Variants in ADAM28 observed in about 807,000 individuals in gnomAD.
ADAM28 encodes disintegrin and metalloproteinase domain-containing protein 28.
A neutral mutation model predicts 101.2 loss-of-function variants in ADAM28; 105 were observed. The observed-to-expected ratio is 1.04, with a 90% confidence interval of 0.89 to 1.22. ADAM28 has a LOEUF of 1.22. Among genes scored for constraint, ADAM28 ranks in the 50% most tolerant of loss-of-function variants. The pLI is 0.00. For missense variants in ADAM28, 1,028 were observed against 945.4 expected (o/e 1.09, Z -1.15); for synonymous variants, 322 against 310.6 (o/e 1.04, Z -0.39).
chr8:24,327,282 C>T (rs1192639113), intron 10 of ADAM28, among the ~76,000 whole-genome samples: 1 of 152,046 alleles, frequency 6.6e-6, no homozygotes, highest in Non-Finnish European at 1.5e-5. Context: ...AGTGAACTCC[C>T]ATTCACAATT....
intron 22 of ADAM28, among the ~76,000 whole-genome samples, chr8:24,354,170 A>G (rs1042341247): frequency 6.6e-6 from 1 of 152,046 alleles, no homozygotes. Flanking sequence ...TATTATGCTA[A>G]TTACCGGATA....
intron 1 of ADAM28, among the ~76,000 whole-genome samples, chr8:24,294,582 A>C (rs1185083371): frequency 6.6e-6 from 1 of 152,218 alleles, no homozygotes; most frequent in East Asian, 1.9e-4. Context: ...ATTACTGTGT[A>C]CAAGGCTTAG....
At position 24,348,039 on chromosome 8, in the gene ADAM28, C is replaced by T. The variant is rs565472454; in HGVS notation, c.1991-1825C>T. On this transcript the variant is annotated intron_variant, in intron 18 of 22. Transcript: ENST00000265769. ...TAAATTAAATGTAATTACTGATGTA[C>T]TTGGGTATAAATCCACAATTATATA... 5.3e-5 allele frequency among the ~76,000 whole-genome samples: 8 copies of T among 152,164 alleles called. No individual in the cohort carries two copies. In the East Asian group the frequency reaches 1.5e-3, roughly 29 times the overall value.
Position 24,325,871 on chromosome 8 carries a change from C to CAAAAAAAAAAAA in ADAM28, c.891-665_891-654dup, listed in dbSNP as rs5890146. On this transcript the variant is annotated intron_variant, in intron 9 of 22. Transcript: ENST00000265769. ...AAGGGCCAGGATCTTGTACAGATAG[C>CAAAAAAAAAAAA]AAAAAAAAAAAAAAAAAAAAAAAAA... 5.0e-3 allele frequency among the ~76,000 whole-genome samples: 101 copies of CAAAAAAAAAAAA among 20,402 alleles called. 1 individual carries two copies. The highest frequency in any genetic ancestry group is 0.05 in the Middle Eastern group (1 of 20). The allele number at this position is 20,402 out of a possible 152,430, so 13.4% of individuals were successfully genotyped here. A position where few individuals can be genotyped will look rare whatever the true frequency, so the allele number is the denominator to read the frequency against.
chr8:24,320,182 A>G, intron 6 of ADAM28, 54 bp from the exon 7 acceptor site: 4 of 1,298,278 alleles, frequency 3.1e-6, no homozygotes, highest in Non-Finnish European at 4.4e-6. Context: ...AAATAATAGA[A>G]GAACTTTTGC....
intron 6 of ADAM28, among the ~76,000 whole-genome samples, chr8:24,315,532 A>G (rs1408628370): frequency 6.6e-6 from 1 of 151,988 alleles, no homozygotes; most frequent in East Asian, 1.9e-4. Flanking sequence ...TCTTTCAACA[A>G]AGAAAGCCTA....
intron 21 of ADAM28, 64 bp from the exon 22 acceptor site, chr8:24,353,706 A>G: frequency 1.6e-5 from 17 of 1,046,898 alleles, no homozygotes; most frequent in East Asian, 2.4e-5. Context: ...GGAAATAAAT[A>G]TAGCTAAGAT....
chr8:24,352,092 T>C, intron 21 of ADAM28, 40 bp downstream of exon 21: 3 of 1,569,534 alleles, frequency 1.9e-6, no homozygotes, highest in African/African-American at 1.4e-5. Flanking sequence ...CCTAGTTCAA[T>C]CTCCAGGAAA....
chr8:24,343,843 T>C lies in ADAM28; in HGVS notation c.1990+259T>C, dbSNP rs955448453. 5.9e-5 allele frequency among the ~76,000 whole-genome samples: 9 copies of C among 152,370 alleles called. No homozygotes were observed. In the East Asian group the frequency reaches 1.7e-3, roughly 29 times the overall value. ...TCTTATTTTAATTTCACAAATTTTC[T>C]TACTTTAGGACTCTTCCATTTTCAT... On this transcript the variant is annotated intron_variant, in intron 18 of 22. Transcript: ENST00000265769.
intron 14 of ADAM28, among the ~76,000 whole-genome samples, chr8:24,336,537 G>T (rs1011370955): frequency 4.4e-5 from 6 of 135,148 alleles, no homozygotes; most frequent in African/African-American, 1.7e-4. Flanking sequence ...CAGAGATCGT[G>T]CCACTGCACT....
chr8:24,333,264 A>G (rs1258536061), intron 13 of ADAM28, among the ~76,000 whole-genome samples: 2 of 152,214 alleles, frequency 1.3e-5, no homozygotes, highest in African/African-American at 4.8e-5. Flanking sequence ...CTATAGGTAC[A>G]GGTACAATGT....
At chr8:24,342,928 T>C (rs1814961428) in intron 16 of ADAM28, 173 bp from the exon 17 acceptor site, 2 of 1,270,930 alleles carry the variant, frequency 1.6e-6, no homozygotes, top group Non-Finnish European at 2.1e-6. Context: ...TTTGGGTTGG[T>C]TTAACTAAGA....
rs1369854789 is a variant in ADAM28 at position 24,326,596 on chromosome 8, G to T, written c.933G>T (p.Met311Ile). 5 of 1,612,010 alleles carry T rather than the reference G, an allele frequency of 3.1e-6. No homozygotes were observed. The highest frequency in any genetic ancestry group is 1.7e-5 in the Admixed American group (1 of 59,876). Residue 311 changes from methionine (M) to isoleucine (I), a missense_variant, in exon 10 of 23, where the codon ATG (methionine) becomes ATT (isoleucine). Physicochemically the swap from Met to Ile is conservative, Grantham distance 10. Coordinates refer to ENST00000265769, the MANE Select transcript of ADAM28 (RefSeq NM_014265.6). The stretch of plus-strand genomic sequence containing the variant: ...GAACGACTGTGGGTCTTGCATTTAT[G>T]TCTACAATGTGTTCTCCTTATTCTG... ...LAGTTVGLAF[M>I]STMCSPYSVG...
rs748740702 is a variant in ADAM28, at chr8:24,341,615, AGTT to A, written c.1692_1694del (p.Leu564del). ...TTCCTCAGTGATACCATGTGTGGGA[AGTT>A]GTTCTGTCAAGGTGGGTCGGATAAT... is the stretch of plus-strand genomic sequence containing the variant. On this transcript the variant is annotated inframe_deletion, in exon 16 of 23. Transcript: ENST00000265769. The A allele has an allele frequency of 6.2e-7, 1 of 1,613,390 alleles. No homozygotes were observed. The highest frequency in any genetic ancestry group is 1.1e-5 in the South Asian group (1 of 90,976).
chr8:24,314,340 A>T (rs187376994), intron 6 of ADAM28, among the ~76,000 whole-genome samples: 65 of 152,296 alleles, frequency 4.3e-4, no homozygotes, highest in Non-Finnish European at 7.4e-4. Flanking sequence ...ATAGACATAG[A>T]ATCTGGCTAC....
chr8:24,319,987 G>C (rs1190703302), intron 6 of ADAM28, among the ~76,000 whole-genome samples: 1 of 151,876 alleles, frequency 6.6e-6, no homozygotes, highest in African/African-American at 2.4e-5. Flanking sequence ...CTCCCCTATT[G>C]TAACATAATT....
At chr8:24,325,489 A>C (rs1234886081) in intron 9 of ADAM28, among the ~76,000 whole-genome samples, 2 of 151,958 alleles carry the variant, frequency 1.3e-5, no homozygotes, top group Non-Finnish European at 2.9e-5. Flanking sequence ...AAATGAACGA[A>C]ATGTTATTTT....
chr8:24,301,304 A>T (rs1261512119), intron 2 of ADAM28, among the ~76,000 whole-genome samples: 2 of 152,152 alleles, frequency 1.3e-5, no homozygotes, highest in East Asian at 3.9e-4. Flanking sequence ...CTTCAATATG[A>T]CTTTCTTCAA....
At position 24,313,406 on chromosome 8, in the gene ADAM28, G is replaced by T. The variant is rs539758586; in HGVS notation, c.402G>T (p.Gly134=). Residue 134 remains glycine, a synonymous_variant, in exon 6 of 23, where the codon GGG becomes GGT. Transcript: ENST00000265769. ...CRGLRGYFSQ[G]DQRYFIEPLS... ...TTTTCAGGGGCTACTTCAGTCAGGG[G>T]GATCAAAGATACTTTATTGAACCTT... is the stretch of plus-strand genomic sequence containing the variant. The T allele has an allele frequency of 1.2e-6, 2 of 1,611,154 alleles. No individual in the cohort carries two copies. The highest frequency in any genetic ancestry group is 4.5e-5 in the East Asian group (2 of 44,818).
Sources: gnomAD v4.1 joint callset for allele counts (sites outside exome capture counted in the v4.1 genomes callset) on GRCh38, gnomAD v4.1.1 for gene constraint, MANE v1.5 for transcripts, NCBI Gene and HGNC (gene_info 2026-07-23, HGNC 2026-07-21) for gene names.